The following SPTBN2 variants were observed in gnomAD, a reference collection of about 807,000 sequenced individuals.
SPTBN2 encodes spectrin beta chain, non-erythrocytic 2.
SPTBN2 carries 107 observed loss-of-function variants against 284.2 expected under a neutral mutation model. The ratio of observed to expected loss-of-function variants is 0.38; its 90% CI spans 0.32 to 0.44. SPTBN2 has a LOEUF of 0.44. Ranked by LOEUF, SPTBN2 falls within the 20% of genes least tolerant of loss-of-function variation. The pLI is 1.00. For missense variants in SPTBN2, 2,569 were observed against 3,287.1 expected (o/e 0.78, Z 5.34); for synonymous variants, 1,289 against 1,354.8 (o/e 0.95, Z 1.07).
chr11:66,710,628 G>A lies in SPTBN2; in HGVS notation c.1027C>T (p.Gln343Ter). The A allele has an allele frequency of 6.2e-7, 1 of 1,614,096 alleles. No homozygotes were observed. The highest frequency in any genetic ancestry group is 8.5e-7 in the Non-Finnish European group (1 of 1,180,006). ...CGGTAGGAGTTGAAGGACTGCAGCT[G>A]GTTCTGGACCCCGCTAAGGGAGTTG... ...LANSLSGVQN[Q>*]LQSFNSYRTV... Residue 343 changes from glutamine to a stop codon, truncating the protein, a stop_gained, in exon 10 of 38, where the codon CAG becomes TAG. Coordinates refer to ENST00000533211, the MANE Select transcript of SPTBN2 (RefSeq NM_006946.4). LOFTEE classifies it high-confidence loss of function. The surrounding 1 kb of genome is among the most constrained non-coding windows in gnomAD (Gnocchi z 4.9).
In SPTBN2 at chr11:66,689,798, C is replaced by T. The variant is rs1334736609; in HGVS notation, c.5949+7G>A. ...GAGAATGGCCCGGCCACCCAGGCCT[C>T]ACCCACCTCCTCGGCCGCATAGTGG... On this transcript the variant is annotated splice_region_variant and intron_variant, in intron 29 of 37. Coordinates refer to ENST00000533211, the MANE Select transcript of SPTBN2 (RefSeq NM_006946.4). 8.7e-6 allele frequency: 14 copies of T among 1,613,224 alleles called. No individual in the cohort carries two copies. Among genetic ancestry groups the T allele is most frequent in the Non-Finnish European group, 1.1e-5 (13 of 1,180,044 alleles).
chr11:66,713,809 A>G (rs748001623), intron 7 of SPTBN2, 63 bp from the exon 8 acceptor site: 5 of 1,342,992 alleles, frequency 3.7e-6, no homozygotes, highest in Non-Finnish European at 5.3e-6. Context: ...GGAAGAGGAA[A>G]CCCACACCAA....
At chr11:66,742,382 G>A (rs1290981993) in intron 1 of SPTBN2, among the ~76,000 whole-genome samples, 1 of 152,124 alleles carries the variant, frequency 6.6e-6, no homozygotes, top group Non-Finnish European at 1.5e-5. Flanking sequence ...ATGTCCAGTA[G>A]GGAGGACAGC....
intron 25 of SPTBN2, 112 bp from the exon 26 acceptor site, chr11:66,692,852 G>A: frequency 1.3e-6 from 2 of 1,595,720 alleles, no homozygotes; most frequent in African/African-American, 2.7e-5. Flanking sequence ...CCCACCCTGT[G>A]TTCCAGCTTT....
intron 27 of SPTBN2, among the ~76,000 whole-genome samples, chr11:66,690,629 G>A (rs189936688): frequency 6.6e-6 from 1 of 152,330 alleles, no homozygotes; most frequent in East Asian, 1.9e-4. Flanking sequence ...ATGGGTTCTA[G>A]TGGTTGAAGG....
chr11:66,709,059 A>G (rs1941719133), intron 10 of SPTBN2, 40 bp from the exon 11 acceptor site: 4 of 1,544,028 alleles, frequency 2.6e-6, no homozygotes, highest in Non-Finnish European at 3.6e-6. Flanking sequence ...ATTAAAGCCC[A>G]CGAGGGTCAC....
At chr11:66,694,468 C>A in intron 21 of SPTBN2, 105 bp from the exon 22 acceptor site, 1 of 1,147,384 alleles carries the variant, frequency 8.7e-7, no homozygotes. Flanking sequence ...CTGCTCATCA[C>A]TGCAGCTCAC....
In SPTBN2 at chr11:66,705,398, C is replaced by T. The variant is rs371769235; in HGVS notation, c.1878G>A (p.Leu626=). Residue 626 remains leucine (L), a synonymous_variant, in exon 15 of 38, where the codon CTG becomes CTA. Coordinates refer to ENST00000533211, the MANE Select transcript of SPTBN2 (RefSeq NM_006946.4). ...CCCGCCGCGCCGCTGCCAACTCGCACAGTGCCTCATAGCTCTGCTCTAGCT... is the reference window on the plus strand; with the variant it reads ...CCCGCCGCGCCGCTGCCAACTCGCATAGTGCCTCATAGCTCTGCTCTAGCT... ...VAKLEQSYEA[L]CELAAARRAR... 6 of 1,612,900 alleles carry T rather than the reference C, an allele frequency of 3.7e-6. No homozygotes were observed. The African/African-American group carries it at 8.0e-5, about 22-fold the overall frequency.
Position 66,693,998 on chromosome 11 carries a change from C to A in SPTBN2, c.4504-137G>T. ...CATCTCTGGTTCTGGGAGGCATCTC[C>A]AAGTCTCCCTATAGGGGAGATGGTC... On this transcript the variant is annotated intron_variant, in intron 22 of 37. Transcript: ENST00000533211. This position sits in a 1 kb window ranked among gnomAD's most constrained non-coding sequence, Gnocchi z 5.7. The A allele has an allele frequency of 7.6e-7, 1 of 1,319,172 alleles. No individual in the cohort carries two copies. The highest frequency in any genetic ancestry group is 1.1e-6 in the Non-Finnish European group (1 of 944,352). 81.7% of individuals were successfully genotyped at this position (1,319,172 alleles called of 1,614,324 possible). A position where few individuals can be genotyped will look rare whatever the true frequency, so the allele number is the denominator to read the frequency against.
At chr11:66,733,727 A>G (rs1201348415), upstream of SPTBN2, among the ~76,000 whole-genome samples, 1 of 152,208 alleles carries the variant, frequency 6.6e-6, no homozygotes, top group African/African-American at 2.4e-5. Flanking sequence ...AATCCAATGC[A>G]ACAGAACTTC....
intron 1 of SPTBN2, among the ~76,000 whole-genome samples, chr11:66,727,379 T>C (rs1209277928): frequency 2.0e-5 from 3 of 152,152 alleles, no homozygotes; most frequent in African/African-American, 7.2e-5. Flanking sequence ...TGTAGCAGGT[T>C]AAGACCGGGG....
chr11:66,695,873 A>T (rs552412970), intron 21 of SPTBN2, among the ~76,000 whole-genome samples: 1 of 151,940 alleles, frequency 6.6e-6, no homozygotes, highest in African/African-American at 2.4e-5. Context: ...AGTAGCTGGG[A>T]TAACAGGCGT....
chr11:66,721,049 A>T, intron 3 of SPTBN2, 35 bp downstream of exon 3: 1 of 1,613,982 alleles, frequency 6.2e-7, no homozygotes, highest in South Asian at 1.1e-5. Context: ...AGCCTCCTCC[A>T]GCATCCCCCC....
intron 29 of SPTBN2, among the ~76,000 whole-genome samples, chr11:66,689,507 G>A (rs1940390061): frequency 6.6e-6 from 1 of 152,092 alleles, no homozygotes; most frequent in Non-Finnish European, 1.5e-5. Flanking sequence ...ACAACCCATG[G>A]AGGCCAGGCT....
At chr11:66,744,230 T>G (rs1258113039) in intron 1 of SPTBN2, among the ~76,000 whole-genome samples, 1 of 152,204 alleles carries the variant, frequency 6.6e-6, no homozygotes, top group East Asian at 1.9e-4. Context: ...GAGATATGTG[T>G]ATGGTTATAA....
In SPTBN2 at chr11:66,705,362, C is replaced by T. The variant is rs367863277; in HGVS notation, c.1914G>A (p.Glu638=). The part of the protein sequence containing the change: ...ELAAARRARL[E]ESRRLWRFLW... ...GGAAACGCCAGAGCCGCCGTGATTC[C>T]TCCAGCCGGGCCCGCCGCGCCGCTG... Residue 638 remains glutamate, a synonymous_variant, in exon 15 of 38, where the codon GAG becomes GAA. Transcript: ENST00000533211. 114 of 1,612,092 alleles carry T rather than the reference C, an allele frequency of 7.1e-5. No individual in the cohort carries two copies. Among genetic ancestry groups the T allele is most frequent in the Non-Finnish European group, 9.2e-5 (109 of 1,179,832 alleles).
At chr11:66,703,040 G>A (rs1453909237) in intron 15 of SPTBN2, among the ~76,000 whole-genome samples, 1 of 150,746 alleles carries the variant, frequency 6.6e-6, no homozygotes, top group African/African-American at 2.4e-5. Flanking sequence ...CTCTACATTA[G>A]GATACCTTGA....
chr11:66,727,143 A>G (rs1942645647), intron 1 of SPTBN2, among the ~76,000 whole-genome samples: 1 of 152,174 alleles, frequency 6.6e-6, no homozygotes, highest in South Asian at 2.1e-4. Context: ...TCTCTAAGGG[A>G]AGAATGTAAA....
At chr11:66,739,815 T>A (rs1389365587) in intron 1 of SPTBN2, among the ~76,000 whole-genome samples, 1 of 152,194 alleles carries the variant, frequency 6.6e-6, no homozygotes, top group Non-Finnish European at 1.5e-5. Flanking sequence ...GCAGATCACA[T>A]GAGGTCAGGT....
Sources: gnomAD v4.1 joint callset for allele counts (sites outside exome capture counted in the v4.1 genomes callset) on GRCh38, gnomAD v4.1.1 for gene constraint, Gnocchi (gnomAD v3.1) non-coding constraint, MANE v1.5 for transcripts, NCBI Gene and HGNC (gene_info 2026-07-23, HGNC 2026-07-21) for gene names.